The following MCF2L2 variants were observed in gnomAD, a reference collection of about 807,000 sequenced individuals.
MCF2L2 encodes the protein probable guanine nucleotide exchange factor MCF2L2.
A neutral mutation model predicts 150.2 loss-of-function variants in MCF2L2; 102 were observed. That is an observed-to-expected ratio of 0.68 (90% CI 0.58 to 0.80). The LOEUF (loss-of-function observed/expected upper bound fraction) is 0.80, where lower values mean the gene tolerates loss of function less well. Ranked by LOEUF, MCF2L2 falls within the 30% of genes least tolerant of loss-of-function variation. MCF2L2 has a pLI of 0.00. For synonymous variants in MCF2L2, 465 were observed against 491.3 expected (o/e 0.95, Z 0.71); for missense variants, 1,256 against 1,372.8 (o/e 0.91, Z 1.34).
intron 27 of MCF2L2, chr3:183,192,613 A>G (rs1220564252): frequency 1.2e-5 from 2 of 165,018 alleles, no homozygotes; most frequent in African/African-American, 4.8e-5. Flanking sequence ...GACACAGCGG[A>G]AGGCGCCAGA....
At chr3:183,287,738 C>G (rs139221375) in intron 14 of MCF2L2, 1 of 152,304 alleles carries the variant, frequency 6.6e-6, no homozygotes, top group East Asian at 1.9e-4. Context: ...TACAGGATGA[C>G]TAAACAAATT....
intron 15 of MCF2L2, chr3:183,253,143 G>C (rs902116010): frequency 7.8e-4 from 3 of 3,860 alleles, no homozygotes; most frequent in East Asian, 5.0e-3. Context: ...CCTACGCGCC[G>C]GGAGGGTGGC....
At chr3:183,400,511 G>A (rs774780593) in intron 1 of MCF2L2, 16 of 455,890 alleles carry the variant, frequency 3.5e-5, no homozygotes, top group Non-Finnish European at 6.6e-5. Context: ...AGGAAACGGC[G>A]CCACCTCGCT....
chr3:183,299,802 G>A (rs1728744688), intron 11 of MCF2L2: 1 of 541,528 alleles, frequency 1.8e-6, no homozygotes, highest in Non-Finnish European at 3.2e-6. Context: ...GATGTGGTGG[G>A]ATGGCCAGAG....
intron 3 of MCF2L2, among the ~76,000 whole-genome samples, chr3:183,343,171 T>TAAAGG (rs1399670827): frequency 3.9e-5 from 6 of 152,078 alleles, no homozygotes; most frequent in Non-Finnish European, 8.8e-5. Context: ...CTGGTGAAGT[T>TAAAGG]AAAAGCTCAT....
intron 1 of MCF2L2, among the ~76,000 whole-genome samples, chr3:183,409,551 CTTTT>C (rs11336262): frequency 1.7e-4 from 21 of 121,740 alleles, no homozygotes; most frequent in Middle Eastern, 4.1e-3. Context: ...GCTAAAATTT[CTTTT>C]TTTTTTTTTT....
At chr3:183,295,192 G>GT (rs1728424228) in intron 13 of MCF2L2, 108 bp downstream of exon 13, 14 of 1,147,884 alleles carry the variant, frequency 1.2e-5, no homozygotes, top group Middle Eastern at 3.0e-4. Context: ...GTTTTAAATA[G>GT]TATCTGTTAA....
chr3:183,290,503 T>C (rs188406398), intron 13 of MCF2L2, among the ~76,000 whole-genome samples: 3 of 152,258 alleles, frequency 2.0e-5, no homozygotes, highest in East Asian at 3.9e-4. Context: ...GAGACATGAT[T>C]AATCCCAGGC....
At chr3:183,264,234 T>G (rs1258533279) in intron 15 of MCF2L2, among the ~76,000 whole-genome samples, 1 of 152,156 alleles carries the variant, frequency 6.6e-6, no homozygotes, top group Non-Finnish European at 1.5e-5. Flanking sequence ...CATACACAGT[T>G]CTTGTCTAAA....
chr3:183,269,148 C>T (rs1726452664), intron 15 of MCF2L2, among the ~76,000 whole-genome samples: 1 of 149,596 alleles, frequency 6.7e-6, no homozygotes, highest in Non-Finnish European at 1.5e-5. Context: ...TCATCCTGAC[C>T]ATATTCAAGT....
Position 183,224,198 on chromosome 3 carries a change from G to T in MCF2L2, c.2116-8C>A. ...TATCTGAAGATCTTCTTTCTAGGTG[G>T]GAAAAAATTAGAATAAATTAATCAG... is the stretch of plus-strand genomic sequence containing the variant. On this transcript the variant is annotated splice_region_variant and splice_polypyrimidine_tract_variant and intron_variant, in intron 18 of 29. Coordinates refer to ENST00000328913, the MANE Select transcript of MCF2L2 (RefSeq NM_015078.4). 6.3e-7 allele frequency: 1 copy of T among 1,582,316 alleles called. No homozygotes were observed. The highest frequency in any genetic ancestry group is 1.1e-5 in the South Asian group (1 of 90,190).
Position 183,389,719 on chromosome 3 carries a change from T to C in MCF2L2, c.137A>G (p.His46Arg), listed in dbSNP as rs1340192190. ...ACCTGAAAGAATGGCAAATTGTCTG[T>C]GAAGTTGTTCTATTATCTCCACCGC... ...LMAVEIIEQL[H>R]RQFAILSGGR... The change falls in exon 2 of 30, where the codon CAC (histidine) becomes CGC (arginine). Residue 46 changes from histidine to arginine, a missense_variant. His to Arg is a conservative substitution (Grantham distance 29). Coordinates refer to ENST00000328913, the MANE Select transcript of MCF2L2 (RefSeq NM_015078.4). 1 of 1,614,072 alleles carries C rather than the reference T, an allele frequency of 6.2e-7. No homozygotes were observed. The highest frequency in any genetic ancestry group is 8.5e-7 in the Non-Finnish European group (1 of 1,180,002).
intron 14 of MCF2L2, among the ~76,000 whole-genome samples, chr3:183,279,966 T>C (rs1238468319): frequency 6.6e-6 from 1 of 151,694 alleles, no homozygotes; most frequent in African/African-American, 2.4e-5. Context: ...AGGTGGAGGT[T>C]GAGTGAACCA....
intron 3 of MCF2L2, among the ~76,000 whole-genome samples, chr3:183,351,223 TATA>T (rs1731117411): frequency 1.1e-5 from 1 of 94,124 alleles, no homozygotes; most frequent in African/African-American, 5.5e-5. Context: ...TATATATATA[TATA>T]TATATATATA....
In MCF2L2 at chr3:183,216,082, T is replaced by C. The variant is rs754589725; in HGVS notation, c.2383A>G (p.Arg795Gly). 6.2e-7 allele frequency: 1 copy of C among 1,613,862 alleles called. No individual in the cohort carries two copies. The highest frequency in any genetic ancestry group is 2.2e-5 in the East Asian group (1 of 44,848). The change falls in exon 22 of 30, where the codon AGA (arginine) becomes GGA (glycine). Residue 795 changes from arginine to glycine, a missense_variant. Physicochemically the swap from Arg to Gly is moderately radical, Grantham distance 125 (BLOSUM62 -2). Transcript: ENST00000328913. ...GTTGAGAATGCTGAATCTTTGGTTCTCTTTGGCCCATCCTGTGGAAAACAA... is the reference window on the plus strand; with the variant it reads ...GTTGAGAATGCTGAATCTTTGGTTCCCTTTGGCCCATCCTGTGGAAAACAA... Reference protein sequence around the residue: ...LGGSAKDGPKRTKDSAFSTEL... With the variant: ...LGGSAKDGPKGTKDSAFSTEL...
At position 183,300,143 on chromosome 3, in the gene MCF2L2, T is replaced by A; in HGVS notation, c.1167A>T (p.Gln389His). 1 of 1,613,596 alleles carries A rather than the reference T, an allele frequency of 6.2e-7. No individual in the cohort carries two copies. The highest frequency in any genetic ancestry group is 8.5e-7 in the Non-Finnish European group (1 of 1,179,890). ...TGGCATCTGCTGCATAATGGTGGCT[T>A]TGGATGAGCTGGTCCCCAACCAGTG... ...LLALVGDQLI[Q>H]SHHYAADAIR... The change falls in exon 11 of 30, where the codon CAA (glutamine) becomes CAT (histidine). Residue 389 changes from glutamine to histidine, a missense_variant. Physicochemically the swap from Gln to His is conservative, Grantham distance 24 (BLOSUM62 0). Transcript: ENST00000328913.
chr3:183,363,618 T>C (rs1471279338), intron 3 of MCF2L2, among the ~76,000 whole-genome samples: 5 of 152,172 alleles, frequency 3.3e-5, no homozygotes, highest in Admixed American at 2.6e-4. Context: ...TGCATGTCTG[T>C]AGACCCAGCT....
chr3:183,333,561 C>T (rs1329162332), intron 5 of MCF2L2, among the ~76,000 whole-genome samples: 1 of 152,160 alleles, frequency 6.6e-6, no homozygotes, highest in Non-Finnish European at 1.5e-5. Flanking sequence ...ATGATCTATG[C>T]ACAATCATAC....
intron 15 of MCF2L2, among the ~76,000 whole-genome samples, chr3:183,231,706 G>A (rs1336512456): frequency 6.6e-6 from 1 of 151,574 alleles, no homozygotes; most frequent in Non-Finnish European, 1.5e-5. Context: ...CAATCCTCCT[G>A]CCTTTGCCTC....
Sources: gnomAD v4.1 joint callset for allele counts (sites outside exome capture counted in the v4.1 genomes callset) on GRCh38, gnomAD v4.1.1 for gene constraint, MANE v1.5 for transcripts, NCBI Gene and HGNC (gene_info 2026-07-23, HGNC 2026-07-21) for gene names.